The following ADCY2 variants were observed in gnomAD, a reference collection of about 807,000 sequenced individuals.
The protein encoded by ADCY2 is adenylate cyclase type 2.
A neutral mutation model predicts 125.2 loss-of-function variants in ADCY2; 31 were observed. The observed-to-expected ratio is 0.25, with a 90% CI of 0.19 to 0.33. The LOEUF (loss-of-function observed/expected upper bound fraction) is 0.33, where lower values mean the gene tolerates loss of function less well. ADCY2 is among the 10% of genes least tolerant of loss of function. ADCY2 has a pLI of 1.00. For synonymous variants in ADCY2, 512 were observed against 548.4 expected, an observed-to-expected ratio of 0.93 and a Z score of 0.93; for missense variants, 904 against 1,418.2, an observed-to-expected ratio of 0.64 and a Z score of 5.82.
chr5:7,449,963 C>T (rs1741412374), intron 2 of ADCY2, among the ~76,000 whole-genome samples: 1 of 152,166 alleles, frequency 6.6e-6, no homozygotes. Context: ...TGACGGTGAA[C>T]TTAATACATG....
chr5:7,649,510 G>A (rs1264065980), intron 4 of ADCY2, among the ~76,000 whole-genome samples: 1 of 152,222 alleles, frequency 6.6e-6, no homozygotes, highest in East Asian at 1.9e-4. Flanking sequence ...ATTTATGTGG[G>A]AGAATAAAAG....
At chr5:7,762,767 C>T (rs1743265110) in intron 16 of ADCY2, among the ~76,000 whole-genome samples, 1 of 152,032 alleles carries the variant, frequency 6.6e-6, no homozygotes, top group Non-Finnish European at 1.5e-5. Flanking sequence ...TGATGGAGCC[C>T]CATCCCCAAG....
intron 7 of ADCY2, among the ~76,000 whole-genome samples, chr5:7,703,573 C>T (rs1345396498): frequency 1.3e-5 from 2 of 152,058 alleles, no homozygotes; most frequent in Non-Finnish European, 1.5e-5. Context: ...TGTTCTGTTC[C>T]GTTGGTCTAT....
At chr5:7,759,098 C>T (rs1042718699) in intron 16 of ADCY2, among the ~76,000 whole-genome samples, 2 of 152,136 alleles carry the variant, frequency 1.3e-5, no homozygotes, top group Non-Finnish European at 2.9e-5. Flanking sequence ...CTTAGTGACA[C>T]CTGCAAAGGG....
intron 3 of ADCY2, among the ~76,000 whole-genome samples, chr5:7,555,353 G>T (rs575108784): frequency 2.0e-5 from 3 of 152,270 alleles, no homozygotes; most frequent in South Asian, 4.1e-4. Flanking sequence ...AACTTAAGTG[G>T]CACTTGATAT....
chr5:7,706,613 C>A (rs1741274864), intron 7 of ADCY2, 131 bp from the exon 8 acceptor site: 5 of 1,000,464 alleles, frequency 5.0e-6, no homozygotes, highest in Non-Finnish European at 1.5e-6. Context: ...TGATCTCCTG[C>A]CATAGGAAGG....
At chr5:7,514,869 G>C (rs1435665820) in intron 2 of ADCY2, among the ~76,000 whole-genome samples, 1 of 152,218 alleles carries the variant, frequency 6.6e-6, no homozygotes, top group Non-Finnish European at 1.5e-5. Flanking sequence ...AAGCCTCCAG[G>C]AGGAACAAAC....
At chr5:7,810,190 G>A (rs1421690853) in intron 22 of ADCY2, among the ~76,000 whole-genome samples, 1 of 152,204 alleles carries the variant, frequency 6.6e-6, no homozygotes, top group Non-Finnish European at 1.5e-5. Context: ...GCTGGAAAAT[G>A]ATCCAGGTAC....
intron 3 of ADCY2, among the ~76,000 whole-genome samples, chr5:7,603,950 A>G (rs1579228168): frequency 2.8e-5 from 2 of 70,842 alleles, no homozygotes; most frequent in East Asian, 4.3e-4. Context: ...ATATCTCCCA[A>G]TGCTATCCCT....
At chr5:7,613,897 C>T (rs1171169475) in intron 3 of ADCY2, among the ~76,000 whole-genome samples, 1 of 152,142 alleles carries the variant, frequency 6.6e-6, no homozygotes, top group Non-Finnish European at 1.5e-5. Context: ...AGACAAAAAC[C>T]AGTCATATTA....
At chr5:7,645,996 A>G (rs1466766812) in intron 4 of ADCY2, among the ~76,000 whole-genome samples, 2 of 152,234 alleles carry the variant, frequency 1.3e-5, no homozygotes, top group Admixed American at 6.5e-5. Flanking sequence ...AGGTTAAAAC[A>G]AAGACTTTCA....
At chr5:7,433,833 A>C (rs554201777) in intron 2 of ADCY2, among the ~76,000 whole-genome samples, 1 of 152,188 alleles carries the variant, frequency 6.6e-6, no homozygotes, top group East Asian at 1.9e-4. Context: ...TGATACATTT[A>C]AAAAATGATT....
At chr5:7,812,915 A>C (rs1229077879) in intron 22 of ADCY2, among the ~76,000 whole-genome samples, 2 of 152,230 alleles carry the variant, frequency 1.3e-5, no homozygotes, top group Non-Finnish European at 2.9e-5. Context: ...ATCTCAAAAA[A>C]AAATAAAAGA....
chr5:7,610,899 A>G (rs370480478), intron 3 of ADCY2, among the ~76,000 whole-genome samples: 10 of 152,362 alleles, frequency 6.6e-5, no homozygotes, highest in African/African-American at 2.4e-4. Context: ...AAAATGCATA[A>G]TCTAAAATCA....
At chr5:7,685,211 C>A (rs1025535843) in intron 4 of ADCY2, 1 of 152,336 alleles carries the variant, frequency 6.6e-6, no homozygotes, top group Non-Finnish European at 1.5e-5. Context: ...TGGGTTCTTT[C>A]CTCTGCGTGG....
At chr5:7,457,747 C>G (rs1741745015) in intron 2 of ADCY2, among the ~76,000 whole-genome samples, 1 of 152,112 alleles carries the variant, frequency 6.6e-6, no homozygotes, top group Non-Finnish European at 1.5e-5. Flanking sequence ...CCATTCAGAT[C>G]AAGAGTGGGG....
intron 16 of ADCY2, among the ~76,000 whole-genome samples, chr5:7,765,077 C>A (rs909456329): frequency 6.6e-6 from 1 of 152,124 alleles, no homozygotes; most frequent in Non-Finnish European, 1.5e-5. Flanking sequence ...TATTGCAAAA[C>A]CTCCTTGCAA....
chr5:7,804,087 C>T (rs145291057), intron 21 of ADCY2, among the ~76,000 whole-genome samples: 37 of 58,438 alleles, frequency 6.3e-4, no homozygotes, highest in East Asian at 5.6e-3. Context: ...GGTTTCTCTT[C>T]CTAATACATA....
chr5:7,566,446 C>T (rs776825917), intron 3 of ADCY2, among the ~76,000 whole-genome samples: 4 of 151,974 alleles, frequency 2.6e-5, no homozygotes, highest in South Asian at 4.1e-4. Context: ...CAGTGAGATA[C>T]GATCGAGCCA....
Sources: allele counts gnomAD v4.1 joint callset (sites outside exome capture counted in the v4.1 genomes callset), GRCh38; gene constraint gnomAD v4.1.1; transcripts MANE v1.5; gene names NCBI Gene and HGNC (gene_info 2026-07-23, HGNC 2026-07-21).